The following STXBP5L variants were observed in gnomAD, a reference collection of about 807,000 sequenced individuals.
STXBP5L encodes the protein syntaxin binding protein 5L.
In STXBP5L, 65 loss-of-function variants were observed where a neutral mutation model predicts 144.5. The observed-to-expected ratio is 0.45, with a 90% CI of 0.37 to 0.55. The LOEUF (loss-of-function observed/expected upper bound fraction) is 0.55. Among genes scored for constraint, STXBP5L ranks in the 20% least tolerant of loss-of-function variants. The probability of loss-of-function intolerance (pLI) is 0.00; values close to 1 mark genes in which losing one functional copy is unlikely to be tolerated. For synonymous variants in STXBP5L, 505 were observed against 469.6 expected (o/e 1.08, Z -0.97); for missense variants, 1,298 against 1,405.5 (o/e 0.92, Z 1.22).
intron 19 of STXBP5L, among the ~76,000 whole-genome samples, chr3:121,288,534 C>A (rs998944684): frequency 4.1e-4 from 62 of 152,172 alleles, no homozygotes; most frequent in African/African-American, 1.5e-3. Flanking sequence ...AATGGACATT[C>A]TGACTGGTGT....
chr3:120,998,707 A>G (rs985921366), intron 3 of STXBP5L, among the ~76,000 whole-genome samples: 2 of 152,128 alleles, frequency 1.3e-5, no homozygotes, highest in African/African-American at 4.8e-5. Context: ...AATCAATAGC[A>G]TTCCTATACA....
chr3:121,055,100 A>G (rs950772976), intron 5 of STXBP5L, among the ~76,000 whole-genome samples: 1 of 152,218 alleles, frequency 6.6e-6, no homozygotes, highest in African/African-American at 2.4e-5. Flanking sequence ...AATCACAGGA[A>G]GTTTGAAAAT....
At chr3:121,004,713 G>T (rs1944116078) in intron 3 of STXBP5L, among the ~76,000 whole-genome samples, 1 of 152,094 alleles carries the variant, frequency 6.6e-6, no homozygotes, top group South Asian at 2.1e-4. Context: ...TTCTTATTTT[G>T]AGATACGTCC....
chr3:121,069,581 G>A (rs1051533383), intron 5 of STXBP5L, among the ~76,000 whole-genome samples: 1 of 151,766 alleles, frequency 6.6e-6, no homozygotes, highest in African/African-American at 2.4e-5. Context: ...TCCTGGAGTG[G>A]CTGTGTCACT....
At chr3:120,909,858 T>C in intron 2 of STXBP5L, 91 bp downstream of exon 2, 2 of 1,317,242 alleles carry the variant, frequency 1.5e-6, no homozygotes, top group Non-Finnish European at 2.1e-6. Flanking sequence ...AACAGGAAAC[T>C]GTTGAGATGT....
intron 5 of STXBP5L, among the ~76,000 whole-genome samples, chr3:121,084,599 G>A (rs184459193): frequency 1.3e-5 from 2 of 152,174 alleles, no homozygotes; most frequent in Admixed American, 6.5e-5. Context: ...TCTTTATTCA[G>A]TCTATCATTG....
chr3:121,409,341 A>C (rs990522273), intron 23 of STXBP5L, among the ~76,000 whole-genome samples: 26 of 152,040 alleles, frequency 1.7e-4, no homozygotes, highest in Non-Finnish European at 3.5e-4. Flanking sequence ...GAAGAATATT[A>C]AAACAAAAGA....
intron 3 of STXBP5L, among the ~76,000 whole-genome samples, chr3:120,995,737 G>T (rs916172405): frequency 6.6e-6 from 1 of 151,730 alleles, no homozygotes; most frequent in Non-Finnish European, 1.5e-5. Flanking sequence ...TACATTGAGC[G>T]CCATATCAGA....
At chr3:121,035,312 A>T (rs1383001281) in intron 3 of STXBP5L, among the ~76,000 whole-genome samples, 1 of 152,108 alleles carries the variant, frequency 6.6e-6, no homozygotes, top group Non-Finnish European at 1.5e-5. Flanking sequence ...GAGTTTTCTC[A>T]AGTTTTCTTC....
At chr3:121,008,253 T>G (rs1944499683) in intron 3 of STXBP5L, among the ~76,000 whole-genome samples, 10 of 151,946 alleles carry the variant, frequency 6.6e-5, no homozygotes, top group Admixed American at 6.6e-4. Flanking sequence ...ATAATCAGGG[T>G]CAGTTCCCAG....
At chr3:121,304,790 C>G (rs1559955603) in intron 19 of STXBP5L, among the ~76,000 whole-genome samples, 1 of 151,606 alleles carries the variant, frequency 6.6e-6, no homozygotes, top group African/African-American at 2.4e-5. Flanking sequence ...ATCTAAAGCT[C>G]TTGATTAAGA....
At chr3:121,018,079 A>AAATGAATG (rs767430655) in intron 3 of STXBP5L, among the ~76,000 whole-genome samples, 1 of 148,980 alleles carries the variant, frequency 6.7e-6, no homozygotes, top group Non-Finnish European at 1.5e-5. Flanking sequence ...GCCCTTTTTC[A>AAATGAATG]AATGAATGAA....
At chr3:121,122,530 G>A (rs1235714033) in intron 7 of STXBP5L, among the ~76,000 whole-genome samples, 1 of 151,348 alleles carries the variant, frequency 6.6e-6, no homozygotes, top group African/African-American at 2.4e-5. Flanking sequence ...GTACACAAGA[G>A]GACCAATGTA....
chr3:120,974,457 A>G (rs1354299448), intron 3 of STXBP5L, among the ~76,000 whole-genome samples: 1 of 148,308 alleles, frequency 6.7e-6, no homozygotes. Flanking sequence ...TTGTCAGATG[A>G]GTAGGTTGCA....
At chr3:121,203,143 C>T (rs1221832753) in intron 9 of STXBP5L, among the ~76,000 whole-genome samples, 2 of 151,664 alleles carry the variant, frequency 1.3e-5, no homozygotes, top group Admixed American at 6.6e-5. Context: ...CTCAAAATTG[C>T]TCTATTAAAT....
At chr3:120,957,527 G>A (rs967945551) in intron 3 of STXBP5L, among the ~76,000 whole-genome samples, 1 of 151,914 alleles carries the variant, frequency 6.6e-6, no homozygotes, top group Non-Finnish European at 1.5e-5. Context: ...GTCTTTGTTG[G>A]TTTTGGTATT....
intron 20 of STXBP5L, among the ~76,000 whole-genome samples, chr3:121,346,194 A>C (rs2044967747): frequency 6.8e-6 from 1 of 147,792 alleles, no homozygotes; most frequent in African/African-American, 2.5e-5. Context: ...TATGAGTGAG[A>C]ACATGAGTGT....
intron 9 of STXBP5L, among the ~76,000 whole-genome samples, chr3:121,202,097 A>T (rs1324442209): frequency 6.6e-6 from 1 of 152,070 alleles, no homozygotes; most frequent in East Asian, 1.9e-4. Flanking sequence ...TATATGTTTT[A>T]TATCTATATG....
At chr3:121,097,397 A>G (rs1327180205) in intron 5 of STXBP5L, among the ~76,000 whole-genome samples, 3 of 152,078 alleles carry the variant, frequency 2.0e-5, no homozygotes, top group Admixed American at 1.3e-4. Flanking sequence ...TGTTTTCCCT[A>G]ATGGCCACCC....
Sources: gnomAD v4.1 joint callset for allele counts (sites outside exome capture counted in the v4.1 genomes callset) on GRCh38, gnomAD v4.1.1 for gene constraint, MANE v1.5 for transcripts, NCBI Gene and HGNC (gene_info 2026-07-23, HGNC 2026-07-21) for gene names.